The following KAZN variants were observed in gnomAD, a reference collection of about 807,000 sequenced individuals.
The protein encoded by KAZN is kazrin, periplakin interacting protein, also known as kazrin.
Under a neutral mutation model 87.4 loss-of-function variants are expected in KAZN, and 40 were observed. The ratio of observed to expected loss-of-function variants is 0.46; its 90% CI spans 0.36 to 0.60. The LOEUF (loss-of-function observed/expected upper bound fraction) is 0.60. Ranked by LOEUF, KAZN falls within the 20% of genes least tolerant of loss-of-function variation. The probability of loss-of-function intolerance (pLI) is 0.00; values close to 1 mark genes in which losing one functional copy is unlikely to be tolerated. For synonymous variants in KAZN, 466 were observed against 458.3 expected (o/e 1.02, Z -0.22); for missense variants, 898 against 1,073.9 (o/e 0.84, Z 2.29).
chr1:14,333,132 C>T (rs1473615740), intron 2 of KAZN, among the ~76,000 whole-genome samples: 1 of 152,076 alleles, frequency 6.6e-6, no homozygotes, highest in African/African-American at 2.4e-5. Flanking sequence ...TGAGAACATA[C>T]AGTGTTTGGT....
intron 8 of KAZN, among the ~76,000 whole-genome samples, chr1:15,085,655 C>T (rs981293639): frequency 6.6e-6 from 1 of 152,100 alleles, no homozygotes; most frequent in African/African-American, 2.4e-5. Context: ...AGCTCATAAC[C>T]ACTTGTGGTT....
At chr1:14,739,459 C>T (rs1479665854) in intron 1 of KAZN, among the ~76,000 whole-genome samples, 1 of 151,972 alleles carries the variant, frequency 6.6e-6, no homozygotes, top group Admixed American at 6.5e-5. Context: ...TCCTCCTGTT[C>T]GTGTGATAAC....
chr1:14,237,685 T>C (rs1450301230), intron 2 of KAZN, among the ~76,000 whole-genome samples: 1 of 152,156 alleles, frequency 6.6e-6, no homozygotes, highest in African/African-American at 2.4e-5. Flanking sequence ...CAAACATTTA[T>C]TAAGGACCTA....
chr1:14,925,664 A>C (rs1028768865), intron 1 of KAZN, among the ~76,000 whole-genome samples: 1 of 152,188 alleles, frequency 6.6e-6, no homozygotes. Flanking sequence ...CAAGCTCACT[A>C]GCTGGGGAGC....
At chr1:15,091,966 A>G (rs1640550562) in intron 8 of KAZN, among the ~76,000 whole-genome samples, 1 of 133,578 alleles carries the variant, frequency 7.5e-6, no homozygotes, top group South Asian at 2.5e-4. Flanking sequence ...TCCTGTCTCT[A>G]TGGATGGATA....
chr1:14,860,225 T>C (rs941793894), intron 1 of KAZN, among the ~76,000 whole-genome samples: 2 of 151,790 alleles, frequency 1.3e-5, no homozygotes, highest in African/African-American at 4.8e-5. Context: ...AGGGTCTCAC[T>C]CTGTTGCCCA....
In KAZN at chr1:14,055,441, G is replaced by A. The variant is rs574035939; in HGVS notation, c.92-124994G>A. Among the ~76,000 whole-genome samples, 203 of 152,278 alleles carry A rather than the reference G, an allele frequency of 1.3e-3. 1 individual carries two copies. The highest frequency in any genetic ancestry group is 4.7e-3 in the African/African-American group (196 of 41,554). Reference sequence around the variant, plus strand: ...GGAAGCCTTGGGATATAAGACACACGCATGTTGATTGGGTCTGTGAAGTCA... The same window carrying A: ...GGAAGCCTTGGGATATAAGACACACACATGTTGATTGGGTCTGTGAAGTCA... On this transcript the variant is annotated intron_variant, in intron 1 of 16. Coordinates refer to the KAZN transcript ENST00000636203.
intron 1 of KAZN, among the ~76,000 whole-genome samples, chr1:14,855,222 C>T (rs1395426300): frequency 3.3e-5 from 5 of 152,152 alleles, no homozygotes; most frequent in Admixed American, 2.6e-4. Flanking sequence ...CTCTATAGTT[C>T]CTTGCCTTAA....
intron 2 of KAZN, among the ~76,000 whole-genome samples, chr1:14,384,641 C>T (rs1165858174): frequency 6.6e-6 from 1 of 152,078 alleles, no homozygotes; most frequent in Non-Finnish European, 1.5e-5. Flanking sequence ...TATATTGAAC[C>T]AGCCTTGCAT....
intron 1 of KAZN, among the ~76,000 whole-genome samples, chr1:14,738,711 C>T (rs966846770): frequency 4.6e-5 from 7 of 152,178 alleles, no homozygotes; most frequent in Non-Finnish European, 8.8e-5. Flanking sequence ...TATGAAGGCT[C>T]ATTCTTCCAT....
intron 2 of KAZN, among the ~76,000 whole-genome samples, chr1:14,324,562 G>A (rs183569038): frequency 2.0e-5 from 3 of 152,250 alleles, no homozygotes; most frequent in Admixed American, 2.0e-4. Context: ...AGAGGGCCAT[G>A]TGTCACTTCC....
At chr1:14,597,090 C>G (rs607166), upstream of KAZN, among the ~76,000 whole-genome samples, 13 of 152,282 alleles carry the variant, frequency 8.5e-5, no homozygotes, top group Admixed American at 4.6e-4. Context: ...CTCCCCATAA[C>G]GTAACTGAAA....
chr1:14,557,452 G>C (rs2148521530), intron 2 of KAZN, among the ~76,000 whole-genome samples: 2 of 152,182 alleles, frequency 1.3e-5, no homozygotes, highest in Middle Eastern at 6.8e-3. Flanking sequence ...GTAGGTGTCA[G>C]AGAAGTTGGC....
At chr1:14,361,194 C>T (rs1363500756) in intron 2 of KAZN, among the ~76,000 whole-genome samples, 1 of 152,228 alleles carries the variant, frequency 6.6e-6, no homozygotes, top group Non-Finnish European at 1.5e-5. Context: ...GCGGTGTACT[C>T]TGCCCAGTCT....
chr1:15,096,665 A>T lies in KAZN; in HGVS notation c.1547+1732A>T, dbSNP rs1342197601. Among the ~76,000 whole-genome samples, 5 of 152,194 alleles carry T rather than the reference A, an allele frequency of 3.3e-5. No individual in the cohort carries two copies. The highest frequency in any genetic ancestry group is 1.2e-4 in the African/African-American group (5 of 41,440). On this transcript the variant is annotated intron_variant, in intron 10 of 14. Coordinates refer to ENST00000376030, the MANE Select transcript of KAZN (RefSeq NM_201628.3). This position sits in a 1 kb window ranked among gnomAD's most constrained non-coding sequence, Gnocchi z 4.5. The stretch of plus-strand genomic sequence containing the variant: ...ATGCCAGCATGGTTGGGACCTGGGG[A>T]GGGCTCTCTTCCTGGCTTGCAGAAG...
intron 2 of KAZN, among the ~76,000 whole-genome samples, chr1:14,451,642 GTTTTAAATACTTGC>G (rs1380778389): frequency 1.3e-5 from 2 of 152,118 alleles, no homozygotes; most frequent in East Asian, 1.9e-4. Flanking sequence ...TTATAAGGAT[GTTTTAAATACTTGC>G]TTTTAATTGT....
At chr1:14,247,931 A>C (rs1005722428) in intron 2 of KAZN, among the ~76,000 whole-genome samples, 1 of 152,088 alleles carries the variant, frequency 6.6e-6, no homozygotes, top group South Asian at 2.1e-4. Flanking sequence ...ATTTCAGCTG[A>C]GAAGTACTGA....
chr1:14,123,785 G>A (rs993430609), intron 1 of KAZN, among the ~76,000 whole-genome samples: 1 of 151,872 alleles, frequency 6.6e-6, no homozygotes, highest in Admixed American at 6.6e-5. Flanking sequence ...CCCCCAGTGG[G>A]CCTATATTAT....
intron 2 of KAZN, among the ~76,000 whole-genome samples, chr1:14,385,352 T>C (rs1010243761): frequency 1.3e-5 from 2 of 152,232 alleles, no homozygotes; most frequent in African/African-American, 4.8e-5. Flanking sequence ...TGCCTTCTGC[T>C]AGCTTTTGAA....
Sources: gnomAD v4.1 joint callset for allele counts (sites outside exome capture counted in the v4.1 genomes callset) on GRCh38, gnomAD v4.1.1 for gene constraint, Gnocchi (gnomAD v3.1) non-coding constraint, MANE v1.5 for transcripts, NCBI Gene and HGNC (gene_info 2026-07-23, HGNC 2026-07-21) for gene names.